The following FGD2 variants were observed in gnomAD, a reference collection of about 807,000 sequenced individuals.
FGD2 encodes FYVE, RhoGEF and PH domain-containing protein 2.
A neutral mutation model predicts 75.9 loss-of-function variants in FGD2; 52 were observed. The ratio of observed to expected loss-of-function variants is 0.69; its 90% CI spans 0.55 to 0.86. The LOEUF (loss-of-function observed/expected upper bound fraction) is 0.86, where lower values mean the gene tolerates loss of function less well. FGD2 is among the 40% of genes least tolerant of loss of function. The pLI, the probability that FGD2 is intolerant of heterozygous loss-of-function variation, is 0.00. For missense variants in FGD2, 790 were observed against 872.0 expected, an observed-to-expected ratio of 0.91 and a Z score of 1.18; for synonymous variants, 347 against 348.6, an observed-to-expected ratio of 1.00 and a Z score of 0.05.
rs775998459 is a variant in FGD2 at position 37,014,715 on chromosome 6, C to T, written c.882+11C>T. ...GCCATCACTGAGATGGTAAGCAGCC[C>T]GCCCTCTCCTGGAGCCCTGTCCCCC... On this transcript the variant is annotated intron_variant, in intron 7 of 15. Transcript: ENST00000274963. The T allele has an allele frequency of 1.4e-5, 23 of 1,613,850 alleles. No homozygotes were observed. The highest frequency in any genetic ancestry group is 1.3e-4 in the South Asian group (12 of 91,086).
In FGD2 at chr6:37,005,683, G is replaced by A. The variant is rs1764715522; in HGVS notation, c.-135G>A. ...CTGAAGCCAAGAGCCGACCTTCTGA[G>A]CCCTCAAGAAAGATCAGAACAGATT... On this transcript the variant is annotated 5_prime_UTR_variant, in exon 1 of 16. Coordinates refer to ENST00000274963, the MANE Select transcript of FGD2 (RefSeq NM_173558.4). The A allele has an allele frequency of 2.2e-6, 2 of 916,502 alleles. No homozygotes were observed. The highest frequency in any genetic ancestry group is 2.2e-5 in the Admixed American group (1 of 46,164). The allele number at this position is 916,502 out of a possible 1,614,324, so 56.8% of individuals were successfully genotyped here.
intron 7 of FGD2, 54 bp from the exon 8 acceptor site, chr6:37,014,838 A>G: frequency 1.2e-6 from 2 of 1,610,098 alleles, no homozygotes; most frequent in Non-Finnish European, 1.7e-6. Flanking sequence ...CAAGCCTTCC[A>G]GAAGCAGGTG....
At chr6:37,014,261 T>C (rs1765167543) in intron 6 of FGD2, 161 bp downstream of exon 6, 1 of 878,974 alleles carries the variant, frequency 1.1e-6, no homozygotes, top group African/African-American at 1.7e-5. Context: ...TTTTCACAGA[T>C]GAGGACACTA....
intron 14 of FGD2, 102 bp from the exon 15 acceptor site, chr6:37,027,327 G>A: frequency 7.3e-7 from 1 of 1,375,584 alleles, no homozygotes; most frequent in Non-Finnish European, 1.0e-6. Context: ...CCTCCATTCA[G>A]TACTGCTGTA....
rs370605887 is a variant in FGD2 at position 37,025,959 on chromosome 6, G to T, written c.1605+21G>T. On this transcript the variant is annotated intron_variant, in intron 14 of 15. Transcript: ENST00000274963. Reference sequence around the variant, plus strand: ...TGGAGGTGAGGGCCACTGTCCCCGCGCTCACCATCCGTCCTCTGTTCAGGG... The same window carrying T: ...TGGAGGTGAGGGCCACTGTCCCCGCTCTCACCATCCGTCCTCTGTTCAGGG... 1.5e-4 allele frequency: 249 copies of T among 1,613,016 alleles called. 1 individual carries two copies. In the Middle Eastern group the frequency reaches 3.3e-3, roughly 21 times the overall value.
At chr6:37,027,124 C>T (rs1765863542) in intron 14 of FGD2, among the ~76,000 whole-genome samples, 1 of 152,198 alleles carries the variant, frequency 6.6e-6, no homozygotes, top group Non-Finnish European at 1.5e-5. Context: ...CCTGGAGATG[C>T]TCAGCCCCTT....
At chr6:37,014,160 T>TA (rs1194743623) in intron 6 of FGD2, 60 bp downstream of exon 6, 1 of 1,545,874 alleles carries the variant, frequency 6.5e-7, no homozygotes, top group Non-Finnish European at 8.7e-7. Flanking sequence ...CCCATATACT[T>TA]ACTGAGCTCC....
rs778125494 is a variant in FGD2 at position 37,022,407 on chromosome 6, GTCACCCAGGCCTCCACCTGCA to G, written c.1458+56_1458+76del. Reference sequence around the variant, plus strand: ...TGCCAGCACTCCTGCCTCCACCTGCGTCACCCAGGCCTCCACCTGCATCACCCAGGCCTCCACCTTTCCTAC... The same window carrying G: ...TGCCAGCACTCCTGCCTCCACCTGCGTCACCCAGGCCTCCACCTTTCCTAC... On this transcript the variant is annotated intron_variant, in intron 13 of 15. Coordinates refer to ENST00000274963, the MANE Select transcript of FGD2 (RefSeq NM_173558.4). 20 of 1,533,028 alleles carry G rather than the reference GTCACCCAGGCCTCCACCTGCA, an allele frequency of 1.3e-5. No homozygotes were observed. The East Asian group carries it at 2.0e-4, about 15-fold the overall frequency. 95.0% of individuals were successfully genotyped at this position (1,533,028 alleles called of 1,614,324 possible). A position where few individuals can be genotyped will look rare whatever the true frequency, so the allele number is the denominator to read the frequency against.
intron 14 of FGD2, 45 bp from the exon 15 acceptor site, chr6:37,027,384 C>T: frequency 6.4e-7 from 1 of 1,566,154 alleles, no homozygotes; most frequent in Non-Finnish European, 8.7e-7. Flanking sequence ...ACATCTGGCA[C>T]TTGCGGCTGC....
At chr6:37,018,318 T>A (rs551465831) in intron 9 of FGD2, among the ~76,000 whole-genome samples, 1 of 152,282 alleles carries the variant, frequency 6.6e-6, no homozygotes, top group African/African-American at 2.4e-5. Context: ...GGCTAACATG[T>A]CTGATACTCC....
At chr6:37,012,001 G>A in intron 4 of FGD2, 147 bp downstream of exon 4, 1 of 831,878 alleles carries the variant, frequency 1.2e-6, no homozygotes, top group Non-Finnish European at 1.8e-6. Flanking sequence ...TGTCTGCACA[G>A]TGAAGGGCTT....
intron 2 of FGD2, chr6:37,009,868 GT>G (rs1252351441): frequency 1.3e-5 from 2 of 152,102 alleles, no homozygotes; most frequent in African/African-American, 4.8e-5. Context: ...ACAAAAATTA[GT>G]TGGGCATGGT....
Position 37,028,198 on chromosome 6 carries a change from C to G in FGD2, c.*35C>G, listed in dbSNP as rs1362213309. 3 of 1,489,646 alleles carry G rather than the reference C, an allele frequency of 2.0e-6. No homozygotes were observed. The highest frequency in any genetic ancestry group is 4.8e-5 in the East Asian group (2 of 41,722). The allele number at this position is 1,489,646 out of a possible 1,614,324, so 92.3% of individuals were successfully genotyped here. Reference sequence around the variant, plus strand: ...AGCCGCTCTCCTGCCCACCTCTCCCCACCCTGAACCCAGCTCCTGCCACAG... The same window carrying G: ...AGCCGCTCTCCTGCCCACCTCTCCCGACCCTGAACCCAGCTCCTGCCACAG... On this transcript the variant is annotated 3_prime_UTR_variant, in exon 16 of 16. Transcript: ENST00000274963.
chr6:37,012,540 C>T (rs1189650329), intron 4 of FGD2, among the ~76,000 whole-genome samples: 2 of 151,692 alleles, frequency 1.3e-5, no homozygotes, highest in African/African-American at 4.8e-5. Flanking sequence ...GGTAAAACCC[C>T]ATCTCTACCA....
At position 37,014,537 on chromosome 6, in the gene FGD2, G is replaced by T. The variant is rs565658854; in HGVS notation, c.824-109G>T. 1,958 of 1,281,222 alleles carry T rather than the reference G, an allele frequency of 1.5e-3. 4 individuals carry two copies. Among genetic ancestry groups the T allele is most frequent in the Non-Finnish European group, 2.0e-3 (1,831 of 917,890 alleles). The allele number at this position is 1,281,222 out of a possible 1,614,324, so 79.4% of individuals were successfully genotyped here. A position where few individuals can be genotyped will look rare whatever the true frequency, so the allele number is the denominator to read the frequency against. ...GCTGCACAGGCAGGGCTGCTCCTGG[G>T]GGCTGTCATGGCAGGTCCTGAGGGC... On this transcript the variant is annotated intron_variant, in intron 6 of 15. Transcript: ENST00000274963.
chr6:37,021,542 A>T lies in FGD2; in HGVS notation c.1264A>T (p.Lys422Ter), dbSNP rs1358717644. The part of the protein sequence containing the change: ...AFQAAIDQIE[K>*]RNETFKAAAQ... ...CCAAGCAGCCATTGACCAAATCGAG[A>T]AGCGGAATGAAACCTTCAAGGCTGC... The change falls in exon 12 of 16, where the codon AAG becomes TAG. Residue 422 changes from lysine (K) to a stop codon, truncating the protein, a stop_gained. Transcript: ENST00000274963. LOFTEE classifies it high-confidence loss of function. 1 of 1,613,904 alleles carries T rather than the reference A, an allele frequency of 6.2e-7. No individual in the cohort carries two copies. The highest frequency in any genetic ancestry group is 1.3e-5 in the African/African-American group (1 of 74,932).
chr6:37,025,850 C>G lies in FGD2; in HGVS notation c.1517C>G (p.Pro506Arg), dbSNP rs1765793960. The G allele has an allele frequency of 6.2e-7, 1 of 1,614,184 alleles. No homozygotes were observed. The highest frequency in any genetic ancestry group is 1.3e-5 in the African/African-American group (1 of 75,056). Residue 506 changes from proline (P) to arginine (R), a missense_variant, in exon 14 of 16, where the codon CCC becomes CGC. Transcript: ENST00000274963. ...RAELKYDDNR[P>R]NRVCLHCYAF... is the part of the protein sequence containing the mutation. ...GAACTGAAATACGACGACAACAGGC[C>G]CAACCGAGTCTGCCTCCACTGCTAC...
chr6:37,022,552 C>T (rs1765642322), intron 13 of FGD2, 182 bp downstream of exon 13: 4 of 795,078 alleles, frequency 5.0e-6, no homozygotes, highest in Middle Eastern at 2.4e-4. Context: ...ACCTGTGTCA[C>T]CCAGGCCTCT....
intron 2 of FGD2, chr6:37,009,311 G>A: frequency 4.3e-6 from 2 of 467,202 alleles, no homozygotes; most frequent in Non-Finnish European, 7.7e-6. Context: ...CAAGGAAGTT[G>A]AAACACAGTT....
Sources: gnomAD v4.1 joint callset for allele counts (sites outside exome capture counted in the v4.1 genomes callset) on GRCh38, gnomAD v4.1.1 for gene constraint, MANE v1.5 for transcripts, NCBI Gene and HGNC (gene_info 2026-07-23, HGNC 2026-07-21) for gene names.